Variants in IL1RAPL1 observed in about 807,000 individuals in gnomAD.
The protein encoded by IL1RAPL1 is interleukin-1 receptor accessory protein-like 1.
Under a neutral mutation model 48.4 loss-of-function variants are expected in IL1RAPL1, and 3 were observed. That is an observed-to-expected ratio of 0.06 (90% confidence interval 0.03 to 0.16). The LOEUF (loss-of-function observed/expected upper bound fraction) is 0.16. Among genes scored for constraint, IL1RAPL1 ranks in the 10% least tolerant of loss-of-function variants. IL1RAPL1 has a pLI of 1.00. For missense variants in IL1RAPL1, 349 were observed against 530.6 expected (o/e 0.66, Z 3.36); for synonymous variants, 185 against 187.7 (o/e 0.99, Z 0.12).
In IL1RAPL1 at chrX:28,762,786, G is replaced by GCGCGCACACACACACACA. The variant is rs1366464632; in HGVS notation, c.-24-26533_-24-26532insGCGCACACACACACACAC. Among the ~76,000 whole-genome samples the GCGCGCACACACACACACA allele has an allele frequency of 2.7e-3, 168 of 62,935 alleles. 1 individual carries two copies. Among genetic ancestry groups the GCGCGCACACACACACACA allele is most frequent in the African/African-American group, 9.9e-3 (156 of 15,824 alleles). The allele number at this position is 62,935 out of a possible 115,157, so 54.7% of individuals were successfully genotyped here. A position where few individuals can be genotyped will look rare whatever the true frequency, so the allele number is the denominator to read the frequency against. Reference sequence around the variant, plus strand: ...TATAAAATCTAATACGCACGCGCGCGCACACACACACACACACACACACAC... The same window carrying GCGCGCACACACACACACA: ...TATAAAATCTAATACGCACGCGCGCGCGCGCACACACACACACACACACACACACACACACACACACAC... On this transcript the variant is annotated intron_variant, in intron 1 of 10. Transcript: ENST00000378993.
intron 2 of IL1RAPL1, among the ~76,000 whole-genome samples, chrX:28,931,644 A>G (rs6630793): frequency 0.19 from 21,161 of 111,236 alleles, 1,708 homozygotes; most frequent in East Asian, 0.44. Context: ...TAAAATGATT[A>G]CAATGTAGTT....
At chrX:29,840,584 G>C (rs1227516124) in intron 6 of IL1RAPL1, among the ~76,000 whole-genome samples, 1 of 112,060 alleles carries the variant, frequency 8.9e-6, no homozygotes, top group Non-Finnish European at 1.9e-5. Context: ...AAACAGTGCA[G>C]AACATACAAG....
At chrX:29,586,327 G>A (rs940486705) in intron 5 of IL1RAPL1, among the ~76,000 whole-genome samples, 3 of 110,789 alleles carry the variant, frequency 2.7e-5, no homozygotes, top group African/African-American at 9.8e-5. Context: ...GTGTATTTTC[G>A]GTACTCCTGT....
At chrX:29,040,674 C>T in intron 2 of IL1RAPL1, among the ~76,000 whole-genome samples, 1 of 112,380 alleles carries the variant, frequency 8.9e-6, no homozygotes. Flanking sequence ...AAACCCTTTT[C>T]ACTTTAAACA....
intron 2 of IL1RAPL1, among the ~76,000 whole-genome samples, chrX:28,903,242 C>T (rs759107539): frequency 9.0e-6 from 1 of 110,559 alleles, no homozygotes; most frequent in Non-Finnish European, 1.9e-5. Flanking sequence ...GCCTCATCCT[C>T]CCAAGTAGCT....
At chrX:28,898,712 A>C (rs760278263) in intron 2 of IL1RAPL1, among the ~76,000 whole-genome samples, 1 of 112,079 alleles carries the variant, frequency 8.9e-6, no homozygotes, top group South Asian at 3.7e-4. Context: ...GGTTCTTGTT[A>C]AAATGCAGAT....
intron 1 of IL1RAPL1, among the ~76,000 whole-genome samples, chrX:28,720,636 A>G (rs1935561774): frequency 8.9e-6 from 1 of 112,090 alleles, no homozygotes; most frequent in Non-Finnish European, 1.9e-5. Flanking sequence ...GTTCTAGGGT[A>G]CATATGCACA....
At chrX:29,088,691 A>AAAAAG (rs1569234378) in intron 2 of IL1RAPL1, among the ~76,000 whole-genome samples, 1 of 108,538 alleles carries the variant, frequency 9.2e-6, no homozygotes, top group African/African-American at 3.3e-5. Context: ...AAAAAAAAAA[A>AAAAAG]AAAAGAAAAG....
chrX:28,806,339 G>A (rs1370115425), intron 2 of IL1RAPL1, among the ~76,000 whole-genome samples: 1 of 111,643 alleles, frequency 9.0e-6, no homozygotes, highest in East Asian at 2.8e-4. Context: ...TCCTTCTTTA[G>A]CTCCAAAGGG....
intron 6 of IL1RAPL1, among the ~76,000 whole-genome samples, chrX:29,743,521 C>T (rs922979210): frequency 5.4e-5 from 6 of 111,516 alleles, no homozygotes; most frequent in South Asian, 3.7e-4. Flanking sequence ...GAGCCTCGCT[C>T]TGTTGCCAGG....
intron 2 of IL1RAPL1, among the ~76,000 whole-genome samples, chrX:28,868,013 T>TTA (rs1439817766): frequency 8.9e-6 from 1 of 112,107 alleles, no homozygotes; most frequent in Non-Finnish European, 1.9e-5. Context: ...CAAAACTGAC[T>TTA]TATATTTACC....
At chrX:29,624,318 T>C (rs989891304) in intron 5 of IL1RAPL1, among the ~76,000 whole-genome samples, 2 of 111,904 alleles carry the variant, frequency 1.8e-5, no homozygotes, top group African/African-American at 6.5e-5. Flanking sequence ...TTTCCTTATA[T>C]GAGAAATATT....
At chrX:29,097,260 G>T (rs1928234825) in intron 2 of IL1RAPL1, among the ~76,000 whole-genome samples, 2 of 111,877 alleles carry the variant, frequency 1.8e-5, no homozygotes, top group South Asian at 7.4e-4. Flanking sequence ...AGGTAACCCT[G>T]CCCTACCTGG....
At chrX:29,170,045 G>C (rs1161620825) in intron 2 of IL1RAPL1, among the ~76,000 whole-genome samples, 1 of 111,319 alleles carries the variant, frequency 9.0e-6, no homozygotes. Flanking sequence ...TACTAAATTT[G>C]TACCCCAGCA....
intron 2 of IL1RAPL1, among the ~76,000 whole-genome samples, chrX:29,206,880 C>T (rs1264245379): frequency 9.0e-6 from 1 of 111,637 alleles, no homozygotes; most frequent in Non-Finnish European, 1.9e-5. Flanking sequence ...CCATACAGTT[C>T]TGGAAACTTT....
At chrX:29,725,709 G>A (rs938434014) in intron 6 of IL1RAPL1, among the ~76,000 whole-genome samples, 2 of 111,941 alleles carry the variant, frequency 1.8e-5, no homozygotes, top group African/African-American at 6.5e-5. Flanking sequence ...TCCTAAAGAT[G>A]TGTGTGTGTA....
chrX:29,366,503 C>T (rs1018766624), intron 3 of IL1RAPL1, among the ~76,000 whole-genome samples: 14 of 85,702 alleles, frequency 1.6e-4, no homozygotes, highest in African/African-American at 6.3e-4. Context: ...AAATTTTCAA[C>T]AAAAATAACT....
intron 6 of IL1RAPL1, among the ~76,000 whole-genome samples, chrX:29,770,260 G>A (rs746921763): frequency 9.8e-5 from 11 of 111,805 alleles, no homozygotes; most frequent in African/African-American, 2.6e-4. Context: ...TTGCAATATT[G>A]AGGTTGAAAC....
At chrX:29,710,982 A>G (rs780779422) in intron 6 of IL1RAPL1, among the ~76,000 whole-genome samples, 2 of 103,043 alleles carry the variant, frequency 1.9e-5, no homozygotes, top group South Asian at 4.6e-4. Flanking sequence ...CAATTTATAG[A>G]TAAGTTTAGA....
Sources: allele counts gnomAD v4.1 joint callset (sites outside exome capture counted in the v4.1 genomes callset), GRCh38; gene constraint gnomAD v4.1.1; transcripts MANE v1.5; gene names NCBI Gene and HGNC (gene_info 2026-07-23, HGNC 2026-07-21).